The following GABRD variants were observed in gnomAD, a reference collection of about 807,000 sequenced individuals.
GABRD encodes the protein gamma-aminobutyric acid receptor subunit delta.
GABRD carries 25 observed loss-of-function variants against 47.3 expected under a neutral mutation model. That is an observed-to-expected ratio of 0.53 (90% CI 0.39 to 0.74). The LOEUF is 0.74. GABRD is among the 30% of genes least tolerant of loss of function. The probability of loss-of-function intolerance (pLI) is 0.00; values close to 1 mark genes in which losing one functional copy is unlikely to be tolerated. For synonymous variants in GABRD, 314 were observed against 278.8 expected (o/e 1.13, Z -1.26); for missense variants, 497 against 643.4 (o/e 0.77, Z 2.46).
chr1:2,029,400 C>G, intron 7 of GABRD, 134 bp downstream of exon 7: 1 of 1,417,866 alleles, frequency 7.1e-7, no homozygotes, highest in East Asian at 2.5e-5. Flanking sequence ...GCCAGCCGGG[C>G]CAGGCCAGGT....
At chr1:2,021,916 G>A (rs1461278083) in intron 1 of GABRD, among the ~76,000 whole-genome samples, 1 of 152,204 alleles carries the variant, frequency 6.6e-6, no homozygotes, top group Non-Finnish European at 1.5e-5. Flanking sequence ...CAAGTGACAG[G>A]GATGGGTTTG....
chr1:2,029,867 G>A (rs543754101), intron 8 of GABRD, 105 bp downstream of exon 8: 2 of 1,506,140 alleles, frequency 1.3e-6, no homozygotes, highest in Non-Finnish European at 1.8e-6. Flanking sequence ...CCCTGAGCGT[G>A]GGGGGCTGGA....
intron 1 of GABRD, 168 bp from the exon 2 acceptor site, chr1:2,024,773 GC>G (rs1417442586): frequency 3.5e-6 from 2 of 573,064 alleles, no homozygotes; most frequent in Non-Finnish European, 6.3e-6. Flanking sequence ...CCTGTGTCCA[GC>G]CAGAGGCTTG....
chr1:2,021,761 G>A lies in GABRD; in HGVS notation c.68+2270G>A, dbSNP rs563870339. ...TGCGCTGGTGGCGGTGCTCCTCTTC[G>A]CCTTGGTAACTGCAATGCTGGGAGG... On this transcript the variant is annotated intron_variant, in intron 1 of 8. Coordinates refer to ENST00000378585, the MANE Select transcript of GABRD (RefSeq NM_000815.5). Among the ~76,000 whole-genome samples the A allele has an allele frequency of 3.3e-5, 5 of 152,314 alleles. No individual in the cohort carries two copies. In the East Asian group the frequency reaches 9.6e-4, roughly 29 times the overall value.
rs1659060746 is a variant in GABRD, at chr1:2,030,496, C to G, written c.*214C>G. ...AGCCTGGGGCTCTCCGGCAGGCAGCCCGAGACCTGCACAGATGAAGGAGCA... is the reference window on the plus strand; with the variant it reads ...AGCCTGGGGCTCTCCGGCAGGCAGCGCGAGACCTGCACAGATGAAGGAGCA... On this transcript the variant is annotated 3_prime_UTR_variant, in exon 9 of 9. Transcript: ENST00000378585. The G allele has an allele frequency of 9.0e-6, 4 of 446,684 alleles. No homozygotes were observed. In the East Asian group the frequency reaches 1.4e-4, roughly 15 times the overall value. 27.7% of individuals were successfully genotyped at this position (446,684 alleles called of 1,614,324 possible).
In GABRD at chr1:2,030,163, G is replaced by T; in HGVS notation, c.1240G>T (p.Gly414Cys). 6.3e-7 allele frequency: 1 copy of T among 1,575,636 alleles called. No homozygotes were observed. The highest frequency in any genetic ancestry group is 8.6e-7 in the Non-Finnish European group (1 of 1,159,370). The change falls in exon 9 of 9, where the codon GGC becomes TGC. Residue 414 changes from glycine to cysteine, a missense_variant. By Grantham distance (159) the Gly-to-Cys change is radical (BLOSUM62 -3). Transcript: ENST00000378585. Reference protein sequence around the residue: ...EGAARSGGQGGIRARLRPIDA... With the variant: ...EGAARSGGQGCIRARLRPIDA... ...GGCAGCCCGCTCAGGAGGCCAGGGG[G>T]GCATCCGTGCCCGGCTCAGGCCCAT... is the stretch of plus-strand genomic sequence containing the variant.
intron 1 of GABRD, among the ~76,000 whole-genome samples, chr1:2,020,591 C>T (rs1315393871): frequency 1.3e-5 from 2 of 152,226 alleles, no homozygotes; most frequent in African/African-American, 2.4e-5. Context: ...CAGCCCGTGT[C>T]CTGGGAAGAG....
Position 2,029,307 on chromosome 1 carries a change from G to A in GABRD, c.847+41G>A, listed in dbSNP as rs373950403. 1.1e-3 allele frequency: 1,753 copies of A among 1,534,666 alleles called. 1 individual carries two copies. Among genetic ancestry groups the A allele is most frequent in the Non-Finnish European group, 1.4e-3 (1,639 of 1,143,808 alleles). On this transcript the variant is annotated intron_variant, in intron 7 of 8. Coordinates refer to ENST00000378585, the MANE Select transcript of GABRD (RefSeq NM_000815.5). Reference sequence around the variant, plus strand: ...GCTGCTCCGAGGGAGCTGGAAGGGCGGCCCTGGGGAACAGGACTCCCCATC... The same window carrying A: ...GCTGCTCCGAGGGAGCTGGAAGGGCAGCCCTGGGGAACAGGACTCCCCATC...
intron 4 of GABRD, 104 bp from the exon 5 acceptor site, chr1:2,027,473 G>A (rs1044806955): frequency 2.3e-6 from 2 of 864,142 alleles, no homozygotes; most frequent in African/African-American, 1.7e-5. Flanking sequence ...AAGTAGCTGG[G>A]GCTCCAGGCA....
In GABRD at chr1:2,029,631, C is replaced by A. The variant is rs745961044; in HGVS notation, c.928C>A (p.Leu310Met). The A allele has an allele frequency of 6.2e-7, 1 of 1,613,352 alleles. No individual in the cohort carries two copies. Among genetic ancestry groups the A allele is most frequent in the Non-Finnish European group, 8.5e-7 (1 of 1,180,024 alleles). The change falls in exon 8 of 9, where the codon CTG (leucine) becomes ATG (methionine). Residue 310 changes from leucine to methionine, a missense_variant. By Grantham distance (15) the Leu-to-Met change is conservative (BLOSUM62 2). Transcript: ENST00000378585. Reference protein sequence around the residue: ...SLPRASAIKALDVYFWICYVF... With the variant: ...SLPRASAIKAMDVYFWICYVF... ...GCCACGGGCATCAGCCATCAAGGCA[C>A]TGGACGTCTACTTCTGGATCTGCTA...
chr1:2,028,956 A>G lies in GABRD; in HGVS notation c.692-155A>G. ...GACCTAGGGCCGGAGGCCCCCTGAC[A>G]TTTCAGGCCATGTGGTTGGTGGGGA... On this transcript the variant is annotated intron_variant, in intron 6 of 8. Transcript: ENST00000378585. The surrounding 1 kb of genome is among the most constrained non-coding windows in gnomAD (Gnocchi z 6.4). The G allele has an allele frequency of 2.2e-6, 2 of 926,354 alleles. No homozygotes were observed. The highest frequency in any genetic ancestry group is 2.6e-5 in the East Asian group (1 of 37,944). 57.4% of individuals were successfully genotyped at this position (926,354 alleles called of 1,614,324 possible).
At chr1:2,023,384 T>G (rs1658833526) in intron 1 of GABRD, among the ~76,000 whole-genome samples, 1 of 151,320 alleles carries the variant, frequency 6.6e-6, no homozygotes, top group African/African-American at 2.4e-5. Context: ...AGACAGGCAG[T>G]GTGGAGGGGT....
chr1:2,027,151 A>G, intron 4 of GABRD: 1 of 318,538 alleles, frequency 3.1e-6, no homozygotes, highest in African/African-American at 2.2e-5. Flanking sequence ...TGACAGAGTG[A>G]GACCCTGTCT....
intron 3 of GABRD, 24 bp downstream of exon 3, chr1:2,025,425 C>T: frequency 1.9e-6 from 3 of 1,612,772 alleles, no homozygotes; most frequent in Non-Finnish European, 2.5e-6. Context: ...GCCTCTGCCT[C>T]AGGCACGGTG....
intron 1 of GABRD, chr1:2,024,273 G>A (rs1658861117): frequency 6.6e-6 from 1 of 152,508 alleles, no homozygotes; most frequent in Non-Finnish European, 1.5e-5. Flanking sequence ...TGTATGGGGA[G>A]GAGATGCCTC....
chr1:2,019,534 G>T, intron 1 of GABRD, 43 bp downstream of exon 1: 1 of 1,080,358 alleles, frequency 9.3e-7, no homozygotes, highest in South Asian at 4.5e-5. Context: ...GGGGGCGGTG[G>T]GGGGCCCGCG....
chr1:2,019,353 C>CCCGCCTGTG lies in GABRD; in HGVS notation c.-60_-52dup, dbSNP rs1181430774. ...CCGCGCCGCGCTCGCTCAGCTCCCG[C>CCCGCCTGTG]CCGCCTGTGCCGCCTGTGCGGCCGC... On this transcript the variant is annotated 5_prime_UTR_variant, in exon 1 of 9. Transcript: ENST00000378585. 5 of 865,416 alleles carry CCCGCCTGTG rather than the reference C, an allele frequency of 5.8e-6. No homozygotes were observed. In the Admixed American group the frequency reaches 1.9e-4, roughly 32 times the overall value. The allele number at this position is 865,416 out of a possible 1,614,324, so 53.6% of individuals were successfully genotyped here. A position where few individuals can be genotyped will look rare whatever the true frequency, so the allele number is the denominator to read the frequency against.
At chr1:2,021,639 G>C (rs1053262616) in intron 1 of GABRD, among the ~76,000 whole-genome samples, 2 of 152,202 alleles carry the variant, frequency 1.3e-5, no homozygotes, top group South Asian at 2.1e-4. Context: ...CACCGAGCTT[G>C]CCGACTGCAT....
chr1:2,028,118 C>G lies in GABRD; in HGVS notation c.554-37C>G. 1 of 1,592,470 alleles carries G rather than the reference C, an allele frequency of 6.3e-7. No homozygotes were observed. Among genetic ancestry groups the G allele is most frequent in the East Asian group, 2.3e-5 (1 of 44,332 alleles). ...TCCTGCCAGGGCTCCCGGGGCAGGG[C>G]CGGGCTCTGCCGCCCACCTGTGTGC... is the stretch of plus-strand genomic sequence containing the variant. On this transcript the variant is annotated intron_variant, in intron 5 of 8. Transcript: ENST00000378585. The surrounding 1 kb of genome is among the most constrained non-coding windows in gnomAD (Gnocchi z 6.4).
Sources: gnomAD v4.1 joint callset for allele counts (sites outside exome capture counted in the v4.1 genomes callset) on GRCh38, gnomAD v4.1.1 for gene constraint, Gnocchi (gnomAD v3.1) non-coding constraint, MANE v1.5 for transcripts, NCBI Gene and HGNC (gene_info 2026-07-23, HGNC 2026-07-21) for gene names.